The following TBKBP1 variants were observed in gnomAD, a reference collection of about 807,000 sequenced individuals.
The protein encoded by TBKBP1 is TBK1 binding protein 1.
A neutral mutation model predicts 69.9 loss-of-function variants in TBKBP1; 47 were observed. That is an observed-to-expected ratio of 0.67 (90% CI 0.53 to 0.86). The LOEUF is 0.86. TBKBP1 is among the 40% of genes least tolerant of loss of function. TBKBP1 has a pLI of 0.00. For synonymous variants in TBKBP1, 418 were observed against 390.3 expected, an observed-to-expected ratio of 1.07 and a Z score of -0.84; for missense variants, 831 against 858.6, an observed-to-expected ratio of 0.97 and a Z score of 0.40.
Position 47,696,733 on chromosome 17 carries a change from G to T in TBKBP1, c.248G>T (p.Gly83Val). The T allele has an allele frequency of 6.2e-7, 1 of 1,614,000 alleles. No homozygotes were observed. The highest frequency in any genetic ancestry group is 8.5e-7 in the Non-Finnish European group (1 of 1,179,882). ...EIKYPLISDF[G>V]EEHGFSLYEI... ...CAGTACCCACTGATCAGTGACTTTGGAGAGGAGCATGGCTTTTCTCTGTAT... is the reference window on the plus strand; with the variant it reads ...CAGTACCCACTGATCAGTGACTTTGTAGAGGAGCATGGCTTTTCTCTGTAT... Residue 83 changes from glycine (G) to valine (V), a missense_variant, in exon 3 of 10, where the codon GGA becomes GTA. Gly to Val is a moderately radical substitution (Grantham distance 109). Coordinates refer to ENST00000578982, the MANE Select transcript of TBKBP1 (RefSeq NM_001394755.1).
In TBKBP1 at chr17:47,699,416, A is replaced by G; in HGVS notation, c.731A>G (p.Gln244Arg). 4.5e-6 allele frequency: 7 copies of G among 1,565,970 alleles called. No homozygotes were observed. The highest frequency in any genetic ancestry group is 6.0e-6 in the Non-Finnish European group (7 of 1,159,972). Residue 244 changes from glutamine to arginine, a missense_variant, in exon 6 of 10, where the codon CAG becomes CGG. Gln to Arg is a conservative substitution (Grantham distance 43). Transcript: ENST00000578982. ...EAAQGEARGAQLREEQLQAEC... is the reference protein window; with the variant it reads ...EAAQGEARGARLREEQLQAEC... ...GCGCAGGGAGAGGCCCGGGGGGCTC[A>G]GCTCCGGGAGGAGCAGCTCCAGGCC...
At chr17:47,701,574 T>C (rs1033301466) in intron 7 of TBKBP1, among the ~76,000 whole-genome samples, 1 of 152,100 alleles carries the variant, frequency 6.6e-6, no homozygotes, top group Non-Finnish European at 1.5e-5. Flanking sequence ...CCAGGGGCCT[T>C]TCTTTACTGA....
In TBKBP1 at chr17:47,698,738, C is replaced by T. The variant is rs1334090050; in HGVS notation, c.597C>T (p.His199=). 1.3e-6 allele frequency: 2 copies of T among 1,592,308 alleles called. No homozygotes were observed. Among genetic ancestry groups the T allele is most frequent in the Non-Finnish European group, 1.7e-6 (2 of 1,166,934 alleles). Residue 199 remains histidine (H), a synonymous_variant, in exon 5 of 10, where the codon CAC becomes CAT. Transcript: ENST00000578982. The part of the protein sequence containing the change: ...PAPPCTDLDL[H]YLALRGGSGL... The stretch of plus-strand genomic sequence containing the variant: ...CTCCCTGCACTGATTTAGACCTGCA[C>T]TACCTGGCACTGAGAGGGGGATCTG...
chr17:47,695,820 G>A (rs2031206085), intron 1 of TBKBP1: 2 of 335,410 alleles, frequency 6.0e-6, no homozygotes, highest in South Asian at 7.6e-5. Flanking sequence ...CCCTGCTGCC[G>A]GCCTGGCTTA....
In TBKBP1 at chr17:47,701,078, C is replaced by T. The variant is rs923921883; in HGVS notation, c.872+1381C>T. ...CTCCACCGCATAGCATACCCAGCTC[C>T]GGGGCTCCGGAGGTCTCCTGCCCAG... On this transcript the variant is annotated intron_variant, in intron 7 of 9. Coordinates refer to ENST00000578982, the MANE Select transcript of TBKBP1 (RefSeq NM_001394755.1). Among the ~76,000 whole-genome samples, 9 of 152,160 alleles carry T rather than the reference C, an allele frequency of 5.9e-5. No homozygotes were observed. In the South Asian group the frequency reaches 1.0e-3, roughly 18 times the overall value.
chr17:47,708,832 G>T lies in TBKBP1; in HGVS notation c.1099G>T (p.Val367Phe). Residue 367 changes from valine (V) to phenylalanine (F), a missense_variant, in exon 9 of 10, where the codon GTC becomes TTC. By Grantham distance (50) the Val-to-Phe change is conservative. Coordinates refer to ENST00000578982, the MANE Select transcript of TBKBP1 (RefSeq NM_001394755.1). This position sits in a 1 kb window ranked among gnomAD's most constrained non-coding sequence, Gnocchi z 4.4. ...CCCGTGCCCCCCGTGCCAGTCCCCC[G>T]TCCCCCAGCGCCGCTCTCCCGTGCC... Reference protein sequence around the residue: ...APPCPPCQSPVPQRRSPVPPC... With the variant: ...APPCPPCQSPFPQRRSPVPPC... 1 of 567,876 alleles carries T rather than the reference G, an allele frequency of 1.8e-6. No individual in the cohort carries two copies. Among genetic ancestry groups the T allele is most frequent in the Non-Finnish European group, 2.7e-6 (1 of 368,928 alleles). 35.2% of individuals were successfully genotyped at this position (567,876 alleles called of 1,614,324 possible). A position where few individuals can be genotyped will look rare whatever the true frequency, so the allele number is the denominator to read the frequency against.
At position 47,696,059 on chromosome 17, in the gene TBKBP1, G is replaced by T; in HGVS notation, c.-34-20G>T. 1.4e-6 allele frequency: 2 copies of T among 1,430,304 alleles called. No homozygotes were observed. The highest frequency in any genetic ancestry group is 1.9e-6 in the Non-Finnish European group (2 of 1,050,454). 88.6% of individuals were successfully genotyped at this position (1,430,304 alleles called of 1,614,324 possible). A position where few individuals can be genotyped will look rare whatever the true frequency, so the allele number is the denominator to read the frequency against. On this transcript the variant is annotated intron_variant, in intron 1 of 9. Transcript: ENST00000578982. Reference sequence around the variant, plus strand: ...ACCCTAGACAGACGGCCCTGTCCACGGTTGCTCCTGCTCTCCTAGGAGGCC... The same window carrying T: ...ACCCTAGACAGACGGCCCTGTCCACTGTTGCTCCTGCTCTCCTAGGAGGCC...
At chr17:47,694,074 C>A (rs1489239958), upstream of TBKBP1, 1 of 77,676 alleles carries the variant, frequency 1.3e-5, no homozygotes, top group Non-Finnish European at 2.4e-5. Context: ...AGAGACCCGG[C>A]GGCGGCGACA....
Position 47,699,342 on chromosome 17 carries a change from C to T in TBKBP1, c.657C>T (p.Pro219=), listed in dbSNP as rs768986599. 6.5e-7 allele frequency: 1 copy of T among 1,543,752 alleles called. No homozygotes were observed. ...LSHAGWPGST[P]SVSDLERRRL... ...CAGCAGGCTGGCCGGGCTCCACACC[C>T]AGTGTGAGTGACCTGGAGCGGCGGC... Residue 219 remains proline, a synonymous_variant, in exon 6 of 10, where the codon CCC becomes CCT. Transcript: ENST00000578982.
intron 7 of TBKBP1, 109 bp downstream of exon 7, chr17:47,699,806 T>A: frequency 7.9e-7 from 1 of 1,272,010 alleles, no homozygotes; most frequent in Non-Finnish European, 1.1e-6. Flanking sequence ...GCATCCTTCA[T>A]AGGAAGGAGG....
Position 47,701,669 on chromosome 17 carries a change from G to A in TBKBP1, c.872+1972G>A, listed in dbSNP as rs533442197. 7.9e-5 allele frequency among the ~76,000 whole-genome samples: 12 copies of A among 152,340 alleles called. No homozygotes were observed. The South Asian group carries it at 1.9e-3, about 24-fold the overall frequency. On this transcript the variant is annotated intron_variant, in intron 7 of 9. Transcript: ENST00000578982. ...GAGAGATGGGAGAGGAAGGTGAGGC[G>A]GTGGGTAGAAGCAGAGAAGGGGCAG...
At position 47,708,032 on chromosome 17, in the gene TBKBP1, A is replaced by C. The variant is rs1467980394; in HGVS notation, c.873-362A>C. Among the ~76,000 whole-genome samples the C allele has an allele frequency of 6.6e-6, 1 of 152,206 alleles. No individual in the cohort carries two copies. Among genetic ancestry groups the C allele is most frequent in the Non-Finnish European group, 1.5e-5 (1 of 68,040 alleles). On this transcript the variant is annotated intron_variant, in intron 7 of 9. Coordinates refer to ENST00000578982, the MANE Select transcript of TBKBP1 (RefSeq NM_001394755.1). The surrounding 1 kb of genome is among the most constrained non-coding windows in gnomAD (Gnocchi z 4.4). ...TTTAATTCATCATCACAGCTTTTGC[A>C]CAGATTAGAAAAACATTCACACATA...
chr17:47,706,589 C>T (rs553587515), intron 7 of TBKBP1, among the ~76,000 whole-genome samples: 1 of 152,298 alleles, frequency 6.6e-6, no homozygotes, highest in African/African-American at 2.4e-5. Context: ...CGAGGACTCC[C>T]TCCCTAAGAA....
Position 47,708,866 on chromosome 17 carries a change from C to T in TBKBP1, c.1133C>T (p.Pro378Leu). The change falls in exon 9 of 10, where the codon CCC becomes CTC. Residue 378 changes from proline to leucine, a missense_variant. Coordinates refer to ENST00000578982, the MANE Select transcript of TBKBP1 (RefSeq NM_001394755.1). This position sits in a 1 kb window ranked among gnomAD's most constrained non-coding sequence, Gnocchi z 4.4. The stretch of plus-strand genomic sequence containing the variant: ...CGCCGCTCTCCCGTGCCCCCGTGCC[C>T]CTCGCCGCAGCAGCGCCGCTCTCCG... ...PQRRSPVPPC[P>L]SPQQRRSPAS... 5 of 1,425,388 alleles carry T rather than the reference C, an allele frequency of 3.5e-6. No homozygotes were observed. Among genetic ancestry groups the T allele is most frequent in the Non-Finnish European group, 4.6e-6 (5 of 1,094,412 alleles). 88.3% of individuals were successfully genotyped at this position (1,425,388 alleles called of 1,614,324 possible). A position where few individuals can be genotyped will look rare whatever the true frequency, so the allele number is the denominator to read the frequency against.
In TBKBP1 at chr17:47,708,861, G is replaced by T; in HGVS notation, c.1128G>T (p.Pro376=). Residue 376 remains proline, a synonymous_variant, in exon 9 of 10, where the codon CCG becomes CCT. Transcript: ENST00000578982. This position sits in a 1 kb window ranked among gnomAD's most constrained non-coding sequence, Gnocchi z 4.4. ...PVPQRRSPVP[P]CPSPQQRRSP... The stretch of plus-strand genomic sequence containing the variant: ...CCCAGCGCCGCTCTCCCGTGCCCCC[G>T]TGCCCCTCGCCGCAGCAGCGCCGCT... 7.7e-7 allele frequency: 1 copy of T among 1,298,442 alleles called. No individual in the cohort carries two copies. The highest frequency in any genetic ancestry group is 1.4e-5 in the South Asian group (1 of 69,860). The allele number at this position is 1,298,442 out of a possible 1,614,324, so 80.4% of individuals were successfully genotyped here.
chr17:47,695,993 CCCA>C (rs774058882), intron 1 of TBKBP1, 83 bp from the exon 2 acceptor site: 1 of 758,676 alleles, frequency 1.3e-6, no homozygotes, highest in Non-Finnish European at 2.1e-6. Flanking sequence ...CTTAGCCGGC[CCCA>C]GGGAGTGCAG....
rs1192913371 is a variant in TBKBP1, at chr17:47,694,173, C to G, written c.-56C>G. 2.1e-5 allele frequency: 3 copies of G among 144,510 alleles called. No homozygotes were observed. The highest frequency in any genetic ancestry group is 7.8e-5 in the African/African-American group (3 of 38,492). The allele number at this position is 144,510 out of a possible 1,614,324, so 9.0% of individuals were successfully genotyped here. ...AGGCGGAGGGGGTAAGCTGCGATTA[C>G]AAGCAGGAACCGGCAGCAGCTGTGA... On this transcript the variant is annotated 5_prime_UTR_variant, in exon 1 of 10. Transcript: ENST00000578982.
At chr17:47,696,971 GCTC>G in intron 3 of TBKBP1, 115 bp from the exon 4 acceptor site, 1 of 1,507,804 alleles carries the variant, frequency 6.6e-7, no homozygotes, top group East Asian at 2.4e-5. Flanking sequence ...CCCAGCTGCA[GCTC>G]CTCCTGCCCC....
upstream of TBKBP1, chr17:47,694,156 G>C (rs2031106328): frequency 6.6e-6 from 1 of 150,394 alleles, no homozygotes; most frequent in Non-Finnish European, 1.5e-5. Context: ...GCAGGCGGAG[G>C]GGGTAAGCTG....
Sources: gnomAD v4.1 joint callset for allele counts (sites outside exome capture counted in the v4.1 genomes callset) on GRCh38, gnomAD v4.1.1 for gene constraint, Gnocchi (gnomAD v3.1) non-coding constraint, MANE v1.5 for transcripts, NCBI Gene and HGNC (gene_info 2026-07-23, HGNC 2026-07-21) for gene names.